Variants in CLCF1 observed in about 807,000 individuals in gnomAD.
CLCF1 encodes cardiotrophin like cytokine factor 1, also known as cardiotrophin-like cytokine factor 1.
In CLCF1, 10 loss-of-function variants were observed where a neutral mutation model predicts 21.2. That is an observed-to-expected ratio of 0.47 (90% CI 0.29 to 0.80). The LOEUF (loss-of-function observed/expected upper bound fraction) is 0.80. Ranked by LOEUF, CLCF1 falls within the 30% of genes least tolerant of loss-of-function variation. The probability of loss-of-function intolerance (pLI) is 0.09; values close to 1 mark genes in which losing one functional copy is unlikely to be tolerated. For missense variants in CLCF1, 240 were observed against 293.4 expected (o/e 0.82, Z 1.33); for synonymous variants, 115 against 120.5 (o/e 0.95, Z 0.30).
intron 1 of CLCF1, chr11:67,368,004 G>C (rs1463472644): frequency 1.0e-5 from 10 of 979,032 alleles, no homozygotes; most frequent in Non-Finnish European, 1.2e-5. Flanking sequence ...TGTTCCAGTT[G>C]TACCCTAGCT....
At chr11:67,373,394 C>T (rs1233529288) in intron 1 of CLCF1, 130 bp downstream of exon 1, 8 of 458,074 alleles carry the variant, frequency 1.7e-5, no homozygotes, top group African/African-American at 1.0e-4. Context: ...AGCCGTGCCT[C>T]CCCCGGCCCG....
intron 1 of CLCF1, chr11:67,369,910 C>G: frequency 1.0e-6 from 1 of 975,268 alleles, no homozygotes; most frequent in Non-Finnish European, 1.2e-6. Flanking sequence ...TAGACAAGAA[C>G]TAAGTCATCT....
Position 67,365,742 on chromosome 11 carries a change from T to C in CLCF1, c.184-112A>G. On this transcript the variant is annotated intron_variant, in intron 2 of 2. Transcript: ENST00000312438. This position sits in a 1 kb window ranked among gnomAD's most constrained non-coding sequence, Gnocchi z 5.0. ...TTTTTGTGTCCCCTGACACTGGCCC[T>C]GTCTCCATGCTAGGCTTCTTTGTTC... The C allele has an allele frequency of 6.9e-7, 1 of 1,451,224 alleles. No homozygotes were observed. The highest frequency in any genetic ancestry group is 9.2e-7 in the Non-Finnish European group (1 of 1,087,126). The allele number at this position is 1,451,224 out of a possible 1,614,324, so 89.9% of individuals were successfully genotyped here. A position where few individuals can be genotyped will look rare whatever the true frequency, so the allele number is the denominator to read the frequency against.
At position 67,365,344 on chromosome 11, in the gene CLCF1, G is replaced by A. The variant is rs1189315181; in HGVS notation, c.470C>T (p.Pro157Leu). The stretch of plus-strand genomic sequence containing the variant: ...AGTCCCAGGCAGCGGCTGGGGCAGT[G>A]GGTAGCCCAGAGCTGCCATGACGCC... ...IAGVMAALGYPLPQPLPGTEP... is the reference protein window; with the variant it reads ...IAGVMAALGYLLPQPLPGTEP... Residue 157 changes from proline to leucine, a missense_variant, in exon 3 of 3, where the codon CCA becomes CTA. Physicochemically the swap from Pro to Leu is moderately conservative, Grantham distance 98. Coordinates refer to ENST00000312438, the MANE Select transcript of CLCF1 (RefSeq NM_013246.3). This position sits in a 1 kb window ranked among gnomAD's most constrained non-coding sequence, Gnocchi z 5.0. 6.2e-7 allele frequency: 1 copy of A among 1,613,154 alleles called. No homozygotes were observed. The highest frequency in any genetic ancestry group is 1.7e-5 in the Admixed American group (1 of 60,000).
In CLCF1 at chr11:67,368,409, A is replaced by T. The variant is rs985360476; in HGVS notation, c.17-783T>A. ...CAAGGGTGGGGACAGGAAGGGAGAG[A>T]GGTGCATTTGACGAGTCGGGCTTGT... On this transcript the variant is annotated intron_variant, in intron 1 of 2. Coordinates refer to ENST00000312438, the MANE Select transcript of CLCF1 (RefSeq NM_013246.3). The T allele has an allele frequency of 1.5e-5, 15 of 985,090 alleles. No individual in the cohort carries two copies. In the African/African-American group the frequency reaches 2.4e-4, roughly 16 times the overall value. The allele number at this position is 985,090 out of a possible 1,614,324, so 61.0% of individuals were successfully genotyped here.
upstream of CLCF1, chr11:67,373,713 CTTTT>C: frequency 1.2e-5 from 13 of 1,041,138 alleles, no homozygotes; most frequent in East Asian, 8.6e-5. Flanking sequence ...ATTCTGCAAA[CTTTT>C]TTTTTTTTTT....
At chr11:67,369,684 C>T (rs1012687452) in intron 1 of CLCF1, 4 of 985,328 alleles carry the variant, frequency 4.1e-6, no homozygotes, top group Middle Eastern at 5.2e-4. Context: ...AAGTTAGTGG[C>T]GAGACCAAGG....
upstream of CLCF1, chr11:67,373,840 C>CTCA (rs1862289815): frequency 1.1e-6 from 1 of 938,632 alleles, no homozygotes; most frequent in Non-Finnish European, 1.3e-6. Flanking sequence ...CCCACAGCAC[C>CTCA]GAGGGGGGGT....
chr11:67,373,470 T>C (rs1862281281), intron 1 of CLCF1, 54 bp downstream of exon 1: 2 of 999,190 alleles, frequency 2.0e-6, no homozygotes, highest in Non-Finnish European at 2.9e-6. Flanking sequence ...GGGAACCGGA[T>C]CTCGTGGCTG....
At chr11:67,367,699 G>A (rs1281419986) in intron 1 of CLCF1, 73 bp from the exon 2 acceptor site, 73 of 1,562,740 alleles carry the variant, frequency 4.7e-5, no homozygotes, top group Non-Finnish European at 2.2e-5. Context: ...AGCCCCTCAG[G>A]TGTCTGTCCC....
At position 67,365,641 on chromosome 11, in the gene CLCF1, G is replaced by T; in HGVS notation, c.184-11C>A. 6.2e-7 allele frequency: 1 copy of T among 1,600,618 alleles called. No individual in the cohort carries two copies. The highest frequency in any genetic ancestry group is 8.5e-7 in the Non-Finnish European group (1 of 1,170,478). On this transcript the variant is annotated splice_polypyrimidine_tract_variant and intron_variant, in intron 2 of 2. Transcript: ENST00000312438. The surrounding 1 kb of genome is among the most constrained non-coding windows in gnomAD (Gnocchi z 5.0). ...GCCCAGGTAGTTCAGCTGTGAAAAG[G>T]AGAGGGTGATGGGGAAGGAGGAGGG... is the stretch of plus-strand genomic sequence containing the variant.
rs137879055 is a variant in CLCF1, at chr11:67,367,464, G to A, written c.179C>T (p.Thr60Ile). ...LEHQLRSLAG[T>I]YLNYLGPPFN... ...ATTCCTACGCTGGATACTCACATAGGTCCCAGCCAAGCTGCGGAGTTGGTG... is the reference window on the plus strand; with the variant it reads ...ATTCCTACGCTGGATACTCACATAGATCCCAGCCAAGCTGCGGAGTTGGTG... Residue 60 changes from threonine to isoleucine, a missense_variant, in exon 2 of 3, where the codon ACC becomes ATC. Transcript: ENST00000312438. The A allele has an allele frequency of 1.5e-5, 24 of 1,614,106 alleles. No individual in the cohort carries two copies. In the Middle Eastern group the frequency reaches 1.2e-3, roughly 77 times the overall value.
chr11:67,373,795 G>C, upstream of CLCF1: 1 of 939,302 alleles, frequency 1.1e-6, no homozygotes, highest in Non-Finnish European at 1.3e-6. Flanking sequence ...GAGGGGGGAG[G>C]AGGGAAGGGA....
At chr11:67,368,707 T>C (rs1158580601) in intron 1 of CLCF1, 1 of 985,052 alleles carries the variant, frequency 1.0e-6, no homozygotes, top group African/African-American at 1.8e-5. Flanking sequence ...ATTTGGTTGA[T>C]TTAGTGCGGT....
chr11:67,366,635 G>A (rs980910094), intron 2 of CLCF1, among the ~76,000 whole-genome samples: 3 of 152,048 alleles, frequency 2.0e-5, no homozygotes, highest in African/African-American at 7.3e-5. Flanking sequence ...GAAGGGAGAA[G>A]CAAGGGGAGA....
intron 1 of CLCF1, among the ~76,000 whole-genome samples, chr11:67,371,585 T>C (rs1476534529): frequency 6.6e-6 from 1 of 152,106 alleles, no homozygotes; most frequent in Non-Finnish European, 1.5e-5. Flanking sequence ...AGAGGGTTCC[T>C]GATTGTGCCA....
intron 1 of CLCF1, chr11:67,369,248 G>A: frequency 1.0e-6 from 1 of 985,416 alleles, no homozygotes; most frequent in Non-Finnish European, 1.2e-6. Context: ...TCTTTCAGAT[G>A]TGTGACTGGC....
chr11:67,370,184 G>C, intron 1 of CLCF1: 1 of 985,426 alleles, frequency 1.0e-6, no homozygotes, highest in Non-Finnish European at 1.2e-6. Context: ...AGCCATGCCC[G>C]TGTCTCAGGC....
chr11:67,364,228 TAATA>T lies in CLCF1; in HGVS notation c.*904_*907del, dbSNP rs1300453589. The T allele has an allele frequency of 6.6e-6, 1 of 152,628 alleles. No individual in the cohort carries two copies. Among genetic ancestry groups the T allele is most frequent in the African/African-American group, 2.4e-5 (1 of 41,458 alleles). 9.5% of individuals were successfully genotyped at this position (152,628 alleles called of 1,614,324 possible). A position where few individuals can be genotyped will look rare whatever the true frequency, so the allele number is the denominator to read the frequency against. On this transcript the variant is annotated 3_prime_UTR_variant, in exon 3 of 3. Transcript: ENST00000312438. ...TAGAAATTCTGCAATAAATATCATC[TAATA>T]AATAACATCTCCAAATAAATAAATA...
Sources: gnomAD v4.1 joint callset for allele counts (sites outside exome capture counted in the v4.1 genomes callset) on GRCh38, gnomAD v4.1.1 for gene constraint, Gnocchi (gnomAD v3.1) non-coding constraint, MANE v1.5 for transcripts, NCBI Gene and HGNC (gene_info 2026-07-23, HGNC 2026-07-21) for gene names.